The following RTL4 variants were observed in gnomAD, a reference collection of about 807,000 sequenced individuals.
RTL4 encodes the protein retrotransposon Gag like 4, also known as retrotransposon Gag-like protein 4.
A neutral mutation model predicts 5.3 loss-of-function variants in RTL4; 4 were observed. The observed-to-expected ratio is 0.75, with a 90% CI of 0.37 to 1.72. RTL4 has a LOEUF of 1.72. RTL4 is among the 40% of genes most tolerant of loss of function. The probability of loss-of-function intolerance (pLI) is 0.04; values close to 1 mark genes in which losing one functional copy is unlikely to be tolerated. For synonymous variants in RTL4, 98 were observed against 87.3 expected, an observed-to-expected ratio of 1.12 and a Z score of -0.68; for missense variants, 260 against 227.1, an observed-to-expected ratio of 1.14 and a Z score of -0.93.
At chrX:112,382,313 A>G in the RTL4 span, 1 of 590,410 alleles carries the variant, frequency 1.7e-6, no homozygotes, top group East Asian at 3.4e-5. Flanking sequence ...TGGATTCCAG[A>G]TTGCTATTGT....
the RTL4 span, among the ~76,000 whole-genome samples, chrX:112,388,126 C>T: frequency 1.7e-4 from 19 of 112,098 alleles, no homozygotes; most frequent in African/African-American, 5.8e-4. Flanking sequence ...CTGTAGGAAT[C>T]TTTCACCTCT....
At chrX:112,299,694 C>T in the RTL4 span, among the ~76,000 whole-genome samples, 3 of 111,748 alleles carry the variant, frequency 2.7e-5, no homozygotes, top group African/African-American at 9.8e-5. Context: ...AACTCTGTAA[C>T]GGGGCAGAGG....
chrX:112,326,300 C>T, the RTL4 span, among the ~76,000 whole-genome samples: 5,891 of 111,265 alleles, frequency 0.053, 401 homozygotes, highest in African/African-American at 0.18. Flanking sequence ...ATGTGCGCAC[C>T]GTGCATGAGC....
the RTL4 span, among the ~76,000 whole-genome samples, chrX:112,326,920 C>T: frequency 9.0e-6 from 1 of 111,554 alleles, no homozygotes; most frequent in South Asian, 3.8e-4. Context: ...CGGCCAGGTA[C>T]TCCAACAGAC....
At chrX:112,318,628 A>T in the RTL4 span, among the ~76,000 whole-genome samples, 1 of 111,853 alleles carries the variant, frequency 8.9e-6, no homozygotes, top group African/African-American at 3.3e-5. Context: ...TTACTGAACT[A>T]CCTATACTGA....
chrX:112,414,373 A>G, the RTL4 span, among the ~76,000 whole-genome samples: 1 of 111,441 alleles, frequency 9.0e-6, no homozygotes, highest in Non-Finnish European at 1.9e-5. Context: ...TTTGGGTTTC[A>G]GAGGTTTAAG....
the RTL4 span, among the ~76,000 whole-genome samples, chrX:112,281,250 C>A: frequency 9.0e-6 from 1 of 111,588 alleles, no homozygotes; most frequent in Admixed American, 9.5e-5. Context: ...ATTTGTCTTT[C>A]TGTGCATGGC....
At chrX:112,172,500 A>G in the RTL4 span, among the ~76,000 whole-genome samples, 1 of 111,998 alleles carries the variant, frequency 8.9e-6, no homozygotes, top group East Asian at 2.8e-4. Context: ...TCAAGAAACA[A>G]CAAGATGCTG....
the RTL4 span, among the ~76,000 whole-genome samples, chrX:112,349,359 T>TG: frequency 9.1e-6 from 1 of 110,495 alleles, no homozygotes; most frequent in East Asian, 2.8e-4. Context: ...GCATAAAGCC[T>TG]TTTTTTTCTT....
the RTL4 span, among the ~76,000 whole-genome samples, chrX:112,241,352 C>T: frequency 9.0e-6 from 1 of 111,383 alleles, no homozygotes; most frequent in Non-Finnish European, 1.9e-5. Context: ...TCTCCAGCAC[C>T]TGTTGTTTCC....
chrX:112,159,977 T>C, the RTL4 span, among the ~76,000 whole-genome samples: 1 of 111,677 alleles, frequency 9.0e-6, no homozygotes, highest in Non-Finnish European at 1.9e-5. Context: ...TCATAGATCC[T>C]TTCCTCCTCA....
At chrX:112,190,160 CTTT>C in the RTL4 span, among the ~76,000 whole-genome samples, 2 of 87,298 alleles carry the variant, frequency 2.3e-5, no homozygotes, top group Non-Finnish European at 4.6e-5. Flanking sequence ...TTCTTTCTTT[CTTT>C]CTTTCTTTCT....
chrX:112,328,073 C>T, the RTL4 span, among the ~76,000 whole-genome samples: 2 of 108,611 alleles, frequency 1.8e-5, no homozygotes, highest in Non-Finnish European at 3.8e-5. Flanking sequence ...TAAAGACCAT[C>T]GAGACTAGGA....
chrX:112,364,701 A>G, the RTL4 span, among the ~76,000 whole-genome samples: 1 of 111,194 alleles, frequency 9.0e-6, no homozygotes, highest in Admixed American at 9.6e-5. Context: ...AGCAGAAGTG[A>G]TATTGAGAGG....
At chrX:112,144,640 G>T in the RTL4 span, among the ~76,000 whole-genome samples, 413 of 111,501 alleles carry the variant, frequency 3.7e-3, 1 homozygote, top group African/African-American at 0.013. Flanking sequence ...ACTTGCTCCG[G>T]ATTAATTAAA....
the RTL4 span, among the ~76,000 whole-genome samples, chrX:112,411,966 A>T: frequency 3.6e-5 from 4 of 111,563 alleles, no homozygotes; most frequent in African/African-American, 1.3e-4. Context: ...TAAAGACTCC[A>T]CCAAGAAACT....
chrX:112,128,469 G>A, the RTL4 span, among the ~76,000 whole-genome samples: 1 of 110,260 alleles, frequency 9.1e-6, no homozygotes, highest in South Asian at 3.9e-4. Context: ...GACCAGCCTG[G>A]CCAACATGGT....
chrX:112,417,185 G>T, the RTL4 span, among the ~76,000 whole-genome samples: 1 of 111,384 alleles, frequency 9.0e-6, no homozygotes, highest in Non-Finnish European at 1.9e-5. Context: ...AGTTATGAGG[G>T]ACATATCATT....
chrX:112,347,281 T>C, the RTL4 span, among the ~76,000 whole-genome samples: 1 of 111,703 alleles, frequency 9.0e-6, no homozygotes, highest in Non-Finnish European at 1.9e-5. Context: ...TCAAGGCATA[T>C]GCTAACTGTG....
Sources: gnomAD v4.1 joint callset for allele counts (sites outside exome capture counted in the v4.1 genomes callset) on GRCh38, gnomAD v4.1.1 for gene constraint, MANE v1.5 for transcripts, NCBI Gene and HGNC (gene_info 2026-07-23, HGNC 2026-07-21) for gene names.